The following KCTD1 variants were observed in gnomAD, a reference collection of about 807,000 sequenced individuals.
KCTD1 encodes the protein BTB/POZ domain-containing protein KCTD1.
Under a neutral mutation model 66.0 loss-of-function variants are expected in KCTD1, and 24 were observed. The observed-to-expected ratio is 0.36, with a 90% CI of 0.26 to 0.51. The LOEUF (loss-of-function observed/expected upper bound fraction) is 0.51, where lower values mean the gene tolerates loss of function less well. Among genes scored for constraint, KCTD1 ranks in the 20% least tolerant of loss-of-function variants. The pLI is 0.95. For missense variants in KCTD1, 943 were observed against 1,205.2 expected (o/e 0.78, Z 3.22); for synonymous variants, 511 against 517.2 (o/e 0.99, Z 0.16).
At chr18:26,549,025 G>C, upstream of KCTD1, 2 of 985,070 alleles carry the variant, frequency 2.0e-6, no homozygotes, top group Non-Finnish European at 2.4e-6. Context: ...CCCCGGAGCC[G>C]GGGGGTCGGG....
intron 1 of KCTD1, chr18:26,545,705 C>T (rs933036544): frequency 1.3e-5 from 2 of 151,968 alleles, no homozygotes; most frequent in African/African-American, 4.8e-5. Flanking sequence ...CCCCTGGTTT[C>T]TGACTCCTAG....
intron 1 of KCTD1, among the ~76,000 whole-genome samples, chr18:26,600,965 T>C (rs1404294796): frequency 6.6e-6 from 1 of 152,096 alleles, no homozygotes; most frequent in Non-Finnish European, 1.5e-5. Context: ...TATCTTGAGA[T>C]ATCTTGAGAT....
chr18:26,531,233 C>G (rs1984421359), intron 1 of KCTD1, among the ~76,000 whole-genome samples: 1 of 152,094 alleles, frequency 6.6e-6, no homozygotes, highest in Non-Finnish European at 1.5e-5. Context: ...TGGCTCACAC[C>G]TGTAATCCTA....
Position 26,548,153 on chromosome 18 carries a change from G to T in KCTD1, c.384C>A (p.Ser128Arg). ...EPVHMINMDQ[S>R]AALEPEAPPR... The stretch of plus-strand genomic sequence containing the variant: ...GCGGCGCCTCGGGCTCCAGCGCGGC[G>T]CTCTGGTCCATATTGATCATATGGA... Residue 128 changes from serine to arginine, a missense_variant, in exon 1 of 5, where the codon AGC (serine) becomes AGA (arginine). Physicochemically the swap from Ser to Arg is moderately radical, Grantham distance 110. Coordinates refer to ENST00000580059, the MANE Select transcript of KCTD1 (RefSeq NM_001142730.3). The T allele has an allele frequency of 1.5e-6, 2 of 1,379,070 alleles. No individual in the cohort carries two copies. The highest frequency in any genetic ancestry group is 2.4e-4 in the Middle Eastern group (1 of 4,162). 85.4% of individuals were successfully genotyped at this position (1,379,070 alleles called of 1,614,324 possible).
chr18:26,565,005 C>G (rs1985949568), intron 1 of KCTD1, among the ~76,000 whole-genome samples: 1 of 152,110 alleles, frequency 6.6e-6, no homozygotes, highest in Admixed American at 6.6e-5. Flanking sequence ...GTGACTAAAT[C>G]CTAGGCTAAA....
intron 1 of KCTD1, among the ~76,000 whole-genome samples, chr18:26,622,184 GA>G (rs1281757456): frequency 2.0e-5 from 3 of 150,696 alleles, no homozygotes; most frequent in East Asian, 1.9e-4. Context: ...ACAGAAGTAA[GA>G]AAAAAAAAGA....
chr18:26,567,146 C>T (rs559485216), intron 1 of KCTD1: 1 of 152,300 alleles, frequency 6.6e-6, no homozygotes, highest in African/African-American at 2.4e-5. Flanking sequence ...CACTAGTTGC[C>T]TACTCTTCCA....
At chr18:26,506,225 G>A (rs1377266881) in intron 1 of KCTD1, among the ~76,000 whole-genome samples, 2 of 152,162 alleles carry the variant, frequency 1.3e-5, no homozygotes, top group Non-Finnish European at 2.9e-5. Flanking sequence ...CACTGTTCAA[G>A]GTGATAAGTG....
At chr18:26,573,025 C>CA (rs1023289489) in intron 1 of KCTD1, among the ~76,000 whole-genome samples, 2 of 151,932 alleles carry the variant, frequency 1.3e-5, no homozygotes, top group African/African-American at 4.8e-5. Context: ...TAACCACCCC[C>CA]CCCTTTTTTT....
chr18:26,651,910 C>G (rs1988044407), intron 1 of KCTD1, among the ~76,000 whole-genome samples: 1 of 151,846 alleles, frequency 6.6e-6, no homozygotes, highest in Admixed American at 6.6e-5. Context: ...GGGCATGTTA[C>G]CTAGGGTGGG....
intron 2 of KCTD1, among the ~76,000 whole-genome samples, chr18:26,489,096 C>T (rs924814740): frequency 2.6e-5 from 4 of 152,168 alleles, no homozygotes; most frequent in African/African-American, 7.2e-5. Flanking sequence ...AAGGCCAGCA[C>T]GGAAAGCATT....
At chr18:26,541,832 A>G (rs1984987476) in intron 1 of KCTD1, among the ~76,000 whole-genome samples, 1 of 152,134 alleles carries the variant, frequency 6.6e-6, no homozygotes, top group South Asian at 2.1e-4. Flanking sequence ...TTTCTGGGCC[A>G]TCTAGAAGCT....
intron 2 of KCTD1, among the ~76,000 whole-genome samples, chr18:26,479,191 A>G (rs1981500156): frequency 6.6e-6 from 1 of 152,246 alleles, no homozygotes; most frequent in African/African-American, 2.4e-5. Flanking sequence ...AATAACCTAG[A>G]GGCCGCCTGG....
intron 3 of KCTD1, among the ~76,000 whole-genome samples, chr18:26,473,001 A>T (rs1178330649): frequency 1.3e-5 from 2 of 152,186 alleles, no homozygotes; most frequent in African/African-American, 4.8e-5. Context: ...GGAGGCAGAG[A>T]CTGCACTTTG....
intron 1 of KCTD1, among the ~76,000 whole-genome samples, chr18:26,567,488 GTTT>G (rs201110977): frequency 4.0e-4 from 45 of 112,768 alleles, no homozygotes; most frequent in South Asian, 2.6e-3. Context: ...TGTTGTTGTT[GTTT>G]TTTTTTTTTT....
chr18:26,629,152 G>T, exon 1 of KCTD1: 1 of 984,236 alleles, frequency 1.0e-6, no homozygotes, highest in Non-Finnish European at 1.2e-6. Context: ...CTTACTTTTG[G>T]TGATGGATTT....
chr18:26,477,481 T>C (rs1050801617), intron 2 of KCTD1, among the ~76,000 whole-genome samples: 6 of 152,210 alleles, frequency 3.9e-5, no homozygotes, highest in Non-Finnish European at 5.9e-5. Flanking sequence ...TAATACAAGG[T>C]GGTCATATCT....
intron 1 of KCTD1, among the ~76,000 whole-genome samples, chr18:26,652,719 A>G (rs1988059563): frequency 6.6e-6 from 1 of 152,202 alleles, no homozygotes; most frequent in African/African-American, 2.4e-5. Context: ...TCCAGACCCA[A>G]TTGTTGAACA....
intron 1 of KCTD1, among the ~76,000 whole-genome samples, chr18:26,539,895 CAT>C (rs1005744621): frequency 2.6e-4 from 39 of 151,898 alleles, no homozygotes; most frequent in African/African-American, 6.3e-4. Context: ...TTTACATATA[CAT>C]ATATATATAT....
Sources: allele counts gnomAD v4.1 joint callset (sites outside exome capture counted in the v4.1 genomes callset), GRCh38; gene constraint gnomAD v4.1.1; transcripts MANE v1.5; gene names NCBI Gene and HGNC (gene_info 2026-07-23, HGNC 2026-07-21).